Variants in GRID2 observed in about 807,000 individuals in gnomAD.
GRID2 encodes glutamate receptor ionotropic, delta-2.
A neutral mutation model predicts 114.8 loss-of-function variants in GRID2; 33 were observed. The observed-to-expected ratio is 0.29, with a 90% CI of 0.22 to 0.38. The LOEUF (loss-of-function observed/expected upper bound fraction) is 0.38, where lower values mean the gene tolerates loss of function less well. GRID2 is among the 10% of genes least tolerant of loss of function. The probability of loss-of-function intolerance (pLI) is 1.00; values close to 1 mark genes in which losing one functional copy is unlikely to be tolerated. For synonymous variants in GRID2, 505 were observed against 449.9 expected, an observed-to-expected ratio of 1.12 and a Z score of -1.55; for missense variants, 1,184 against 1,257.7, an observed-to-expected ratio of 0.94 and a Z score of 0.89.
intron 2 of GRID2, among the ~76,000 whole-genome samples, chr4:92,662,583 T>A (rs1732573785): frequency 6.6e-6 from 1 of 150,524 alleles, no homozygotes; most frequent in African/African-American, 2.4e-5. Flanking sequence ...AAACCAGGGA[T>A]AAAGAATAAA....
chr4:93,014,074 G>A (rs1722448307), intron 2 of GRID2, among the ~76,000 whole-genome samples: 1 of 151,910 alleles, frequency 6.6e-6, no homozygotes, highest in African/African-American at 2.4e-5. Flanking sequence ...GGAGAGAAAG[G>A]GAATAAATTA....
intron 1 of GRID2, among the ~76,000 whole-genome samples, chr4:92,498,707 A>T (rs573830008): frequency 3.7e-4 from 56 of 152,022 alleles, no homozygotes; most frequent in Non-Finnish European, 6.3e-4. Flanking sequence ...CATCTGTGAG[A>T]CTATTGTATA....
At chr4:93,048,728 C>T (rs1049329034) in intron 2 of GRID2, among the ~76,000 whole-genome samples, 6 of 151,942 alleles carry the variant, frequency 3.9e-5, no homozygotes, top group East Asian at 1.9e-4. Flanking sequence ...AAAGCAAATC[C>T]CTAATTTTTT....
chr4:93,132,197 G>A (rs1207146246), intron 4 of GRID2, among the ~76,000 whole-genome samples: 1 of 152,070 alleles, frequency 6.6e-6, no homozygotes, highest in African/African-American at 2.4e-5. Context: ...TGAGGTCAGG[G>A]GCTATTGTAA....
At chr4:92,536,373 AC>A (rs1725632066) in intron 1 of GRID2, among the ~76,000 whole-genome samples, 1 of 152,092 alleles carries the variant, frequency 6.6e-6, no homozygotes, top group Admixed American at 6.5e-5. Context: ...CTAGACAGAA[AC>A]GTTCTCCAAG....
chr4:93,617,009 A>G (rs1308617504), intron 13 of GRID2, among the ~76,000 whole-genome samples: 1 of 152,062 alleles, frequency 6.6e-6, no homozygotes. Flanking sequence ...AAAAAAATTC[A>G]TAAAAATCAA....
At chr4:93,492,678 G>A (rs538710708) in intron 12 of GRID2, among the ~76,000 whole-genome samples, 3 of 151,788 alleles carry the variant, frequency 2.0e-5, no homozygotes, top group Non-Finnish European at 4.4e-5. Flanking sequence ...CTACCATTCA[G>A]GGTAAGACTT....
rs575654204 is a variant in GRID2, at chr4:93,151,235, G to A, written c.735+40282G>A. Among the ~76,000 whole-genome samples the A allele has an allele frequency of 3.3e-5, 5 of 152,004 alleles. No individual in the cohort carries two copies. In the East Asian group the frequency reaches 9.7e-4, roughly 30 times the overall value. On this transcript the variant is annotated intron_variant, in intron 4 of 15. Coordinates refer to ENST00000282020, the MANE Select transcript of GRID2 (RefSeq NM_001510.4). ...TCACCATCCCTTTCTTGGTGTTAAA[G>A]AGATGTGAGTAGAGATTTTTCTGGA...
intron 2 of GRID2, among the ~76,000 whole-genome samples, chr4:92,882,763 A>G (rs1578381185): frequency 1.3e-5 from 2 of 152,222 alleles, no homozygotes; most frequent in Non-Finnish European, 2.9e-5. Context: ...GTATACTGCA[A>G]TCTGTTAATT....
chr4:92,923,592 A>T (rs1291212085), intron 2 of GRID2, among the ~76,000 whole-genome samples: 2 of 152,198 alleles, frequency 1.3e-5, no homozygotes, highest in African/African-American at 4.8e-5. Context: ...CTGTTATAAA[A>T]GCCAACCAAA....
chr4:92,621,828 T>C (rs1236879585), intron 2 of GRID2, among the ~76,000 whole-genome samples: 3 of 151,842 alleles, frequency 2.0e-5, no homozygotes, highest in Non-Finnish European at 1.5e-5. Flanking sequence ...AGTTTGATAA[T>C]GATGAAGGTA....
At chr4:92,861,134 A>G (rs1339022199) in intron 2 of GRID2, among the ~76,000 whole-genome samples, 1 of 152,182 alleles carries the variant, frequency 6.6e-6, no homozygotes, top group East Asian at 1.9e-4. Context: ...AGGATTTATC[A>G]TTACTGTCTA....
chr4:92,777,645 G>A (rs1435229468), intron 2 of GRID2, among the ~76,000 whole-genome samples: 1 of 151,402 alleles, frequency 6.6e-6, no homozygotes, highest in African/African-American at 2.4e-5. Context: ...AAGTAATGAA[G>A]GTTAAATAAG....
intron 2 of GRID2, among the ~76,000 whole-genome samples, chr4:92,715,802 G>A (rs1735516647): frequency 6.6e-6 from 1 of 152,166 alleles, no homozygotes; most frequent in Non-Finnish European, 1.5e-5. Context: ...GTAGGAGTAA[G>A]ATGAGATTTG....
At chr4:93,172,343 A>G (rs929561281) in intron 4 of GRID2, among the ~76,000 whole-genome samples, 4 of 152,154 alleles carry the variant, frequency 2.6e-5, no homozygotes, top group African/African-American at 9.7e-5. Context: ...CTATAATGCC[A>G]GCACTTTGGG....
At chr4:93,376,850 G>T (rs1218410439) in intron 8 of GRID2, among the ~76,000 whole-genome samples, 1 of 152,146 alleles carries the variant, frequency 6.6e-6, no homozygotes, top group Non-Finnish European at 1.5e-5. Flanking sequence ...AGAGCATTAG[G>T]AAAAATAACT....
intron 8 of GRID2, among the ~76,000 whole-genome samples, chr4:93,366,565 C>A (rs997483040): frequency 5.9e-5 from 9 of 152,038 alleles, no homozygotes; most frequent in Non-Finnish European, 1.3e-4. Flanking sequence ...TCTTGCCCTG[C>A]CTCCGCTTGC....
At chr4:92,666,650 G>GTTTTTTTGTTT (rs1732793983) in intron 2 of GRID2, among the ~76,000 whole-genome samples, 1 of 68,594 alleles carries the variant, frequency 1.5e-5, no homozygotes, top group Non-Finnish European at 2.8e-5. Context: ...CTTAAGGGTT[G>GTTTTTTTGTTT]TTTTTTTTTT....
At chr4:93,412,121 A>C (rs1767221368) in intron 9 of GRID2, among the ~76,000 whole-genome samples, 1 of 152,028 alleles carries the variant, frequency 6.6e-6, no homozygotes, top group African/African-American at 2.4e-5. Flanking sequence ...AGACTTAAAA[A>C]AAAAAAGCCC....
Sources: allele counts gnomAD v4.1 joint callset (sites outside exome capture counted in the v4.1 genomes callset), GRCh38; gene constraint gnomAD v4.1.1; transcripts MANE v1.5; gene names NCBI Gene and HGNC (gene_info 2026-07-23, HGNC 2026-07-21).